Variants in CRISPLD2 observed in about 807,000 individuals in gnomAD.
CRISPLD2 encodes cysteine-rich secretory protein LCCL domain-containing 2.
Under a neutral mutation model 71.1 loss-of-function variants are expected in CRISPLD2, and 47 were observed. The observed-to-expected ratio is 0.66, with a 90% CI of 0.52 to 0.84. The LOEUF is 0.84. CRISPLD2 is among the 40% of genes least tolerant of loss of function. The probability of loss-of-function intolerance (pLI) is 0.00; values close to 1 mark genes in which losing one functional copy is unlikely to be tolerated. For synonymous variants in CRISPLD2, 317 were observed against 250.1 expected (o/e 1.27, Z -2.52); for missense variants, 830 against 651.1 (o/e 1.27, Z -2.99).
chr16:84,882,295 A>T (rs1293185678), intron 13 of CRISPLD2, among the ~76,000 whole-genome samples: 7 of 151,658 alleles, frequency 4.6e-5, no homozygotes, highest in Non-Finnish European at 7.4e-5. Flanking sequence ...ATTTACAGGA[A>T]AAGGAATAAA....
At chr16:84,895,259 G>C (rs1186433484) in intron 14 of CRISPLD2, among the ~76,000 whole-genome samples, 1 of 152,114 alleles carries the variant, frequency 6.6e-6, no homozygotes, top group African/African-American at 2.4e-5. Context: ...TCAAACCTAG[G>C]CCGCCTGTAC....
intron 6 of CRISPLD2, among the ~76,000 whole-genome samples, chr16:84,856,501 C>G (rs1048201660): frequency 9.9e-5 from 15 of 152,156 alleles, no homozygotes; most frequent in African/African-American, 3.6e-4. Flanking sequence ...ACCTCTAGGC[C>G]AGCAGAATGT....
At position 84,849,558 on chromosome 16, in the gene CRISPLD2, A is replaced by G. The variant is rs142350120; in HGVS notation, c.492+41A>G. On this transcript the variant is annotated intron_variant, in intron 4 of 14. Coordinates refer to ENST00000262424, the MANE Select transcript of CRISPLD2 (RefSeq NM_031476.4). ...GCCACGACCTCAGCCCTGCCCCCCA[A>G]TCCCAGTCATTCACCCCCTGCCCCT... 7,777 of 1,600,294 alleles carry G rather than the reference A, an allele frequency of 4.9e-3. 29 individuals carry two copies. The highest frequency in any genetic ancestry group is 7.7e-3 in the Admixed American group (455 of 59,314).
Position 84,822,539 on chromosome 16 carries a change from GCTTTTTCTTT to G in CRISPLD2, c.-75+2417_-75+2426del, listed in dbSNP as rs957017532. 4.6e-5 allele frequency among the ~76,000 whole-genome samples: 7 copies of G among 152,184 alleles called. No individual in the cohort carries two copies. In the East Asian group the frequency reaches 9.6e-4, roughly 21 times the overall value. ...TGTCTGCCTGCGCCAGACTCAGGAG[GCTTTTTCTTT>G]CTTTTTCTTTTTTCTTCTTTTGCAA... On this transcript the variant is annotated intron_variant, in intron 1 of 14. Transcript: ENST00000262424.
At chr16:84,842,886 G>C (rs1322929300) in intron 2 of CRISPLD2, among the ~76,000 whole-genome samples, 6 of 152,126 alleles carry the variant, frequency 3.9e-5, no homozygotes, top group African/African-American at 1.4e-4. Context: ...TCTGGGACTG[G>C]AGCTTGACTG....
chr16:84,867,197 G>A (rs139036312), intron 7 of CRISPLD2, among the ~76,000 whole-genome samples, 157 bp downstream of exon 7: 2 of 152,302 alleles, frequency 1.3e-5, no homozygotes, highest in Non-Finnish European at 2.9e-5. Flanking sequence ...ACCATAAGAC[G>A]TTTTTCAAAA....
In CRISPLD2 at chr16:84,858,787, C is replaced by T. The variant is rs1176806001; in HGVS notation, c.709+3958C>T. Among the ~76,000 whole-genome samples, 3 of 152,158 alleles carry T rather than the reference C, an allele frequency of 2.0e-5. 1 individual carries two copies. Among genetic ancestry groups the T allele is most frequent in the Non-Finnish European group, 4.4e-5 (3 of 68,034 alleles). On this transcript the variant is annotated intron_variant, in intron 6 of 14. Coordinates refer to ENST00000262424, the MANE Select transcript of CRISPLD2 (RefSeq NM_031476.4). Reference sequence around the variant, plus strand: ...AATTACTTCTGGTGGGTCTTACGGACGTGAATGGAGAAAAAGGCATTTTCC... The same window carrying T: ...AATTACTTCTGGTGGGTCTTACGGATGTGAATGGAGAAAAAGGCATTTTCC...
chr16:84,831,449 C>T (rs1424865405), intron 1 of CRISPLD2, among the ~76,000 whole-genome samples: 2 of 152,126 alleles, frequency 1.3e-5, no homozygotes, highest in Non-Finnish European at 2.9e-5. Context: ...GTCGCCCAGG[C>T]TGGAAAGCAG....
Position 84,858,811 on chromosome 16 carries a change from C to G in CRISPLD2, c.709+3982C>G, listed in dbSNP as rs570655579. Among the ~76,000 whole-genome samples, 188 of 152,338 alleles carry G rather than the reference C, an allele frequency of 1.2e-3. 1 individual carries two copies. Among genetic ancestry groups the G allele is most frequent in the African/African-American group, 4.3e-3 (178 of 41,568 alleles). Reference sequence around the variant, plus strand: ...ACGTGAATGGAGAAAAAGGCATTTTCCAAGTCAGTGGCTGCATACCAGGTA... The same window carrying G: ...ACGTGAATGGAGAAAAAGGCATTTTGCAAGTCAGTGGCTGCATACCAGGTA... On this transcript the variant is annotated intron_variant, in intron 6 of 14. Transcript: ENST00000262424.
intron 8 of CRISPLD2, among the ~76,000 whole-genome samples, chr16:84,871,012 G>A (rs2071464001): frequency 6.6e-6 from 1 of 152,144 alleles, no homozygotes. Context: ...GAGCCGAGGT[G>A]TACTGGTGCA....
intron 1 of CRISPLD2, among the ~76,000 whole-genome samples, chr16:84,827,988 T>A (rs954183027): frequency 2.6e-5 from 4 of 152,202 alleles, no homozygotes; most frequent in African/African-American, 9.7e-5. Flanking sequence ...GCTCACACCT[T>A]CGGTATTTAC....
At chr16:84,892,356 G>C (rs753339178) in intron 14 of CRISPLD2, among the ~76,000 whole-genome samples, 40 of 152,210 alleles carry the variant, frequency 2.6e-4, no homozygotes, top group Non-Finnish European at 5.0e-4. Context: ...ACGCGAACCT[G>C]GCAAACCTGA....
intron 14 of CRISPLD2, among the ~76,000 whole-genome samples, chr16:84,891,743 G>A (rs549803818): frequency 2.5e-4 from 38 of 152,306 alleles, no homozygotes; most frequent in Middle Eastern, 3.4e-3. Context: ...CTCATTGTGG[G>A]GGCCCCATTG....
chr16:84,838,600 C>T lies in CRISPLD2; in HGVS notation c.105C>T (p.Leu35=), dbSNP rs1166946223. 2 of 1,614,240 alleles carry T rather than the reference C, an allele frequency of 1.2e-6. No homozygotes were observed. The highest frequency in any genetic ancestry group is 1.1e-5 in the South Asian group (1 of 91,080). Residue 35 remains leucine (L), a synonymous_variant, in exon 2 of 15, where the codon CTC becomes CTT. Transcript: ENST00000262424. ...LPNVTLLEEL[L]SKYQHNESHS... ...ACGTCACTCTCTTAGAGGAGCTGCTCAGCAAATACCAGCACAACGAGTCTC... is the reference window on the plus strand; with the variant it reads ...ACGTCACTCTCTTAGAGGAGCTGCTTAGCAAATACCAGCACAACGAGTCTC...
chr16:84,875,035 G>C lies in CRISPLD2; in HGVS notation c.1156+1072G>C, dbSNP rs144614539. 5.1e-3 allele frequency among the ~76,000 whole-genome samples: 777 copies of C among 152,202 alleles called. 8 individuals carry two copies. Among genetic ancestry groups the C allele is most frequent in the African/African-American group, 0.018 (748 of 41,524 alleles). ...GCGGGAGGATTGCTTGAGCCCAGGA[G>C]TTTGAGACCAGCCCTGGCAACACAG... On this transcript the variant is annotated intron_variant, in intron 11 of 14. Coordinates refer to ENST00000262424, the MANE Select transcript of CRISPLD2 (RefSeq NM_031476.4).
chr16:84,834,980 T>C lies in CRISPLD2; in HGVS notation c.-74-3442T>C, dbSNP rs538380222. 4.6e-5 allele frequency among the ~76,000 whole-genome samples: 7 copies of C among 152,288 alleles called. No individual in the cohort carries two copies. In the South Asian group the frequency reaches 1.2e-3, roughly 27 times the overall value. On this transcript the variant is annotated intron_variant, in intron 1 of 14. Transcript: ENST00000262424. ...GACATTAGGGCTCCAGTGTGTGAGT[T>C]TGGGGAAAACCAGCTCAAACCCATA... is the stretch of plus-strand genomic sequence containing the variant.
chr16:84,837,940 G>A (rs546988891), intron 1 of CRISPLD2, among the ~76,000 whole-genome samples: 22 of 152,338 alleles, frequency 1.4e-4, no homozygotes, highest in African/African-American at 5.1e-4. Context: ...CGTGATAAGA[G>A]GAGCCATATG....
rs1916685509 is a variant in CRISPLD2 at position 84,838,578 on chromosome 16, T to C, written c.83T>C (p.Val28Ala). Residue 28 changes from valine (V) to alanine (A), a missense_variant, in exon 2 of 15, where the codon GTC (valine) becomes GCC (alanine). Transcript: ENST00000262424. ...TCCCAAGGCTACCTCCTGCCCAACG[T>C]CACTCTCTTAGAGGAGCTGCTCAGC... is the stretch of plus-strand genomic sequence containing the variant. ...CGSQGYLLPN[V>A]TLLEELLSKY... The C allele has an allele frequency of 6.2e-7, 1 of 1,614,066 alleles. No homozygotes were observed.
Position 84,906,562 on chromosome 16 carries a change from C to T in CRISPLD2, c.1440-26C>T, listed in dbSNP as rs376125150. 4.3e-5 allele frequency: 70 copies of T among 1,611,516 alleles called. No homozygotes were observed. The African/African-American group carries it at 5.2e-4, about 12-fold the overall frequency. On this transcript the variant is annotated intron_variant, in intron 14 of 14. Transcript: ENST00000262424. ...GGAGGCCCTCCAGATCTCTCAGTAA[C>T]GGGCCCTCTTTCTTCTTTTTTTCAG...
Sources: allele counts gnomAD v4.1 joint callset (sites outside exome capture counted in the v4.1 genomes callset), GRCh38; gene constraint gnomAD v4.1.1; transcripts MANE v1.5; gene names NCBI Gene and HGNC (gene_info 2026-07-23, HGNC 2026-07-21).